TENM1: variants seen among roughly 807,000 people sequenced by gnomAD.
TENM1 encodes the protein teneurin transmembrane protein 1.
A neutral mutation model predicts 174.8 loss-of-function variants in TENM1; 35 were observed. The ratio of observed to expected loss-of-function variants is 0.20; its 90% CI spans 0.15 to 0.27. The LOEUF (loss-of-function observed/expected upper bound fraction) is 0.27. TENM1 is among the 10% of genes least tolerant of loss of function. The pLI is 1.00. For missense variants in TENM1, 1,633 were observed against 2,130.1 expected, an observed-to-expected ratio of 0.77 and a Z score of 4.59; for synonymous variants, 781 against 798.7, an observed-to-expected ratio of 0.98 and a Z score of 0.37.
chrX:125,061,109 A>C, the TENM1 span, among the ~76,000 whole-genome samples: 7 of 111,239 alleles, frequency 6.3e-5, no homozygotes, highest in African/African-American at 2.3e-4. Flanking sequence ...TTTGAATAGA[A>C]GATGTTAATG....
the TENM1 span, among the ~76,000 whole-genome samples, chrX:125,133,407 G>C: frequency 9.0e-6 from 1 of 111,291 alleles, no homozygotes; most frequent in African/African-American, 3.3e-5. Context: ...TTCTTGAACT[G>C]ACTGTCTCAG....
intron 1 of TENM1, among the ~76,000 whole-genome samples, chrX:124,917,404 T>C (rs774450739): frequency 1.8e-5 from 2 of 111,859 alleles, no homozygotes; most frequent in Non-Finnish European, 3.8e-5. Flanking sequence ...ATATCAGAAG[T>C]GGTGGCCTAG....
chrX:125,197,543 T>G, the TENM1 span, among the ~76,000 whole-genome samples: 1 of 111,414 alleles, frequency 9.0e-6, no homozygotes, highest in Non-Finnish European at 1.9e-5. Flanking sequence ...AAGATACCAA[T>G]ATTATGAATT....
At chrX:124,553,316 A>G (rs2090250335) in intron 14 of TENM1, among the ~76,000 whole-genome samples, 1 of 109,057 alleles carries the variant, frequency 9.2e-6, no homozygotes, top group African/African-American at 3.3e-5. Flanking sequence ...CCTGGCCTAT[A>G]TGATGAAACC....
intron 18 of TENM1, among the ~76,000 whole-genome samples, chrX:124,508,309 A>T (rs1332937960): frequency 8.9e-6 from 1 of 112,458 alleles, no homozygotes; most frequent in African/African-American, 3.2e-5. Context: ...GCTTACTAAG[A>T]GTGTCAGAAT....
At chrX:124,894,494 C>CTT (rs1466379514) in intron 2 of TENM1, 142 bp from the exon 6 acceptor site, 11 of 434,208 alleles carry the variant, frequency 2.5e-5, no homozygotes, top group Non-Finnish European at 3.2e-5. Context: ...AATATTCATC[C>CTT]TTTTAAAGCA....
chrX:124,385,032 G>T (rs2147588308), intron 29 of TENM1, among the ~76,000 whole-genome samples, 178 bp from the exon 33 acceptor site: 1 of 111,960 alleles, frequency 8.9e-6, no homozygotes, highest in African/African-American at 3.2e-5. Context: ...TTCTCATAGT[G>T]GTAATCCTCA....
chrX:124,812,987 C>A (rs950133447), intron 3 of TENM1, among the ~76,000 whole-genome samples: 2 of 110,770 alleles, frequency 1.8e-5, no homozygotes, highest in African/African-American at 6.5e-5. Context: ...ATTATACACA[C>A]TCACACATAC....
At chrX:125,186,635 G>C in the TENM1 span, among the ~76,000 whole-genome samples, 1 of 107,913 alleles carries the variant, frequency 9.3e-6, no homozygotes, top group Admixed American at 1.0e-4. Flanking sequence ...TTTAATCTCT[G>C]AATATGCTGG....
the TENM1 span, among the ~76,000 whole-genome samples, chrX:125,010,515 T>C: frequency 1.9e-5 from 2 of 105,864 alleles, no homozygotes; most frequent in African/African-American, 6.9e-5. Context: ...TTCACAGAAT[T>C]AGAAAAAAAA....
At chrX:124,737,061 G>A in exon 4 of TENM1, 1 of 1,211,610 alleles carries the variant, frequency 8.3e-7, no homozygotes. Context: ...TGGGCTGGCT[G>A]CGGGTAGTCA....
upstream of TENM1, among the ~76,000 whole-genome samples, chrX:124,964,513 A>G (rs1490605954): frequency 1.8e-5 from 2 of 111,421 alleles, no homozygotes; most frequent in African/African-American, 6.5e-5. Flanking sequence ...GCAGGATCTA[A>G]ATCAGTTTTG....
exon 15 of TENM1, chrX:124,547,089 A>G: frequency 8.3e-7 from 1 of 1,201,186 alleles, no homozygotes; most frequent in South Asian, 1.8e-5. Flanking sequence ...CGGTTAAACC[A>G]TCTGGAAATA....
chrX:125,121,905 T>C, the TENM1 span, among the ~76,000 whole-genome samples: 1 of 111,544 alleles, frequency 9.0e-6, no homozygotes, highest in South Asian at 3.8e-4. Flanking sequence ...AGACCCCATG[T>C]CTTAGAAAAT....
chrX:124,447,359 C>T (rs566958032), intron 23 of TENM1, among the ~76,000 whole-genome samples: 3 of 111,600 alleles, frequency 2.7e-5, no homozygotes, highest in East Asian at 2.8e-4. Flanking sequence ...CAATTTCATT[C>T]GGTGTTCTCC....
chrX:124,513,522 T>TG (rs765151462), intron 18 of TENM1, among the ~76,000 whole-genome samples: 1 of 111,960 alleles, frequency 8.9e-6, no homozygotes, highest in Admixed American at 9.5e-5. Flanking sequence ...GACATCTTTG[T>TG]GGGGGTGGCT....
the TENM1 span, among the ~76,000 whole-genome samples, chrX:125,047,908 G>C: frequency 9.0e-6 from 1 of 111,042 alleles, no homozygotes; most frequent in Non-Finnish European, 1.9e-5. Flanking sequence ...TTGTTAACTG[G>C]AACACATACA....
At chrX:124,560,229 GTGTGTA>G (rs1252369123) in intron 14 of TENM1, among the ~76,000 whole-genome samples, 1 of 106,038 alleles carries the variant, frequency 9.4e-6, no homozygotes, top group African/African-American at 3.6e-5. Context: ...GTGTGTGTGT[GTGTGTA>G]TGTGTGGTGT....
chrX:124,478,346 C>T (rs1246079811), intron 22 of TENM1, among the ~76,000 whole-genome samples: 1 of 112,439 alleles, frequency 8.9e-6, no homozygotes, highest in African/African-American at 3.2e-5. Flanking sequence ...GCTGCCATTG[C>T]TAAAAACAAA....
Sources: allele counts gnomAD v4.1 joint callset (sites outside exome capture counted in the v4.1 genomes callset), GRCh38; gene constraint gnomAD v4.1.1; transcripts MANE v1.5; gene names NCBI Gene and HGNC (gene_info 2026-07-23, HGNC 2026-07-21).